Variants in SPIRE1 observed in about 807,000 individuals in gnomAD.
SPIRE1 encodes protein spire homolog 1.
Under a neutral mutation model 94.1 loss-of-function variants are expected in SPIRE1, and 40 were observed. The ratio of observed to expected loss-of-function variants is 0.43; its 90% CI spans 0.33 to 0.55. The LOEUF (loss-of-function observed/expected upper bound fraction) is 0.55, where lower values mean the gene tolerates loss of function less well. Among genes scored for constraint, SPIRE1 ranks in the 20% least tolerant of loss-of-function variants. The pLI, the probability that SPIRE1 is intolerant of heterozygous loss-of-function variation, is 0.06. For synonymous variants in SPIRE1, 376 were observed against 371.7 expected (o/e 1.01, Z -0.13); for missense variants, 838 against 975.2 (o/e 0.86, Z 1.87).
At chr18:12,497,277 T>G (rs934282102) in intron 6 of SPIRE1, among the ~76,000 whole-genome samples, 2 of 152,226 alleles carry the variant, frequency 1.3e-5, no homozygotes, top group Non-Finnish European at 2.9e-5. Flanking sequence ...TCCTCTCTTT[T>G]TAATGCAATG....
intron 2 of SPIRE1, among the ~76,000 whole-genome samples, chr18:12,568,839 A>G (rs1261892576): frequency 2.0e-5 from 3 of 152,292 alleles, no homozygotes; most frequent in East Asian, 3.9e-4. Context: ...GAACACAGAA[A>G]GTTACTCCAC....
intron 4 of SPIRE1, among the ~76,000 whole-genome samples, chr18:12,519,483 C>T (rs1263379893): frequency 6.6e-6 from 1 of 152,190 alleles, no homozygotes; most frequent in East Asian, 1.9e-4. Flanking sequence ...TCTGCTAATA[C>T]ACATTCACCT....
At chr18:12,641,136 T>TG (rs1439512131) in intron 1 of SPIRE1, among the ~76,000 whole-genome samples, 1 of 152,194 alleles carries the variant, frequency 6.6e-6, no homozygotes, top group African/African-American at 2.4e-5. Flanking sequence ...AACAACATCC[T>TG]GAACATGCTC....
chr18:12,565,633 C>T (rs1364209868), intron 2 of SPIRE1, among the ~76,000 whole-genome samples: 1 of 152,040 alleles, frequency 6.6e-6, no homozygotes, highest in Admixed American at 6.5e-5. Flanking sequence ...CTCAGCCTCC[C>T]AAAGTCCTGG....
At chr18:12,545,073 T>C (rs1436514746) in intron 3 of SPIRE1, among the ~76,000 whole-genome samples, 1 of 152,236 alleles carries the variant, frequency 6.6e-6, no homozygotes, top group Non-Finnish European at 1.5e-5. Flanking sequence ...TCTTCATTTT[T>C]TCAATCACTA....
At chr18:12,476,564 A>AAAAATAT in intron 10 of SPIRE1, among the ~76,000 whole-genome samples, 1 of 69,842 alleles carries the variant, frequency 1.4e-5, no homozygotes, top group Non-Finnish European at 2.4e-5. Context: ...AAAAAAAAAA[A>AAAAATAT]ATATATATAT....
intron 10 of SPIRE1, among the ~76,000 whole-genome samples, chr18:12,465,357 T>G (rs907016994): frequency 1.3e-5 from 2 of 152,036 alleles, no homozygotes; most frequent in African/African-American, 4.8e-5. Context: ...AAATTTTTTG[T>G]AGAGACAGGG....
intron 2 of SPIRE1, among the ~76,000 whole-genome samples, chr18:12,616,931 C>T (rs1403267233): frequency 7.5e-6 from 1 of 133,382 alleles, no homozygotes; most frequent in African/African-American, 2.8e-5. Context: ...GCAATCTCGG[C>T]TCACTGCAGT....
In SPIRE1 at chr18:12,454,412, C is replaced by T; in HGVS notation, c.1710G>A (p.Leu570=). ...VEEVMHIRQV[L]VKAELEKYQQ... ...GGTATTTTTCCAGCTCTGCCTTCAC[C>T]AGGACCTGGCGAATATGCATCACTT... The change falls in exon 13 of 17, where the codon CTG becomes CTA. Residue 570 remains leucine, a synonymous_variant. Coordinates refer to ENST00000409402, the MANE Select transcript of SPIRE1 (RefSeq NM_001128626.2). 2 of 1,614,082 alleles carry T rather than the reference C, an allele frequency of 1.2e-6. No homozygotes were observed. Among genetic ancestry groups the T allele is most frequent in the Non-Finnish European group, 1.7e-6 (2 of 1,179,992 alleles).
At chr18:12,639,128 A>ATT (rs201297496) in intron 1 of SPIRE1, among the ~76,000 whole-genome samples, 4 of 151,538 alleles carry the variant, frequency 2.6e-5, no homozygotes, top group South Asian at 4.2e-4. Context: ...CCTCAAAAAA[A>ATT]ATTTTTTTTT....
intron 2 of SPIRE1, among the ~76,000 whole-genome samples, chr18:12,552,381 C>T (rs1299810340): frequency 2.0e-5 from 3 of 152,100 alleles, no homozygotes; most frequent in Admixed American, 2.0e-4. Context: ...CCAAAAGAGA[C>T]CCCTTTTTTC....
At chr18:12,504,285 T>A (rs1479610885) in intron 6 of SPIRE1, among the ~76,000 whole-genome samples, 1 of 146,940 alleles carries the variant, frequency 6.8e-6, no homozygotes, top group Non-Finnish European at 1.5e-5. Flanking sequence ...GGTGGGCAGA[T>A]CACCTAAGGT....
chr18:12,609,568 G>C (rs915087649), intron 2 of SPIRE1, among the ~76,000 whole-genome samples: 10 of 152,138 alleles, frequency 6.6e-5, no homozygotes, highest in Admixed American at 4.6e-4. Flanking sequence ...CTACAAGCTA[G>C]GTAGAATCTG....
At chr18:12,478,307 A>G (rs1020929462) in intron 10 of SPIRE1, among the ~76,000 whole-genome samples, 4 of 145,806 alleles carry the variant, frequency 2.7e-5, no homozygotes, top group Non-Finnish European at 6.0e-5. Context: ...TGGGGTGTGT[A>G]TGTGTGTGTA....
chr18:12,452,595 G>C, intron 14 of SPIRE1, 83 bp from the exon 15 acceptor site: 1 of 1,382,034 alleles, frequency 7.2e-7, no homozygotes, highest in Non-Finnish European at 1.0e-6. Flanking sequence ...CAGTACAGTT[G>C]TAAGTTTCCA....
chr18:12,495,129 T>C (rs2033408934), intron 7 of SPIRE1, among the ~76,000 whole-genome samples: 1 of 152,092 alleles, frequency 6.6e-6, no homozygotes, highest in Non-Finnish European at 1.5e-5. Context: ...TCATTAATTA[T>C]GCTTTAGTTG....
At chr18:12,566,540 T>C (rs1383118592) in intron 2 of SPIRE1, among the ~76,000 whole-genome samples, 2 of 152,184 alleles carry the variant, frequency 1.3e-5, no homozygotes, top group African/African-American at 4.8e-5. Context: ...TTCAATTATG[T>C]ATGCTTATGT....
intron 2 of SPIRE1, among the ~76,000 whole-genome samples, chr18:12,605,334 G>A (rs1163556625): frequency 2.0e-5 from 3 of 152,044 alleles, no homozygotes; most frequent in Non-Finnish European, 4.4e-5. Flanking sequence ...GTGAAACCCT[G>A]TCTCTACTAA....
chr18:12,461,426 G>GTACATA (rs1555680891), intron 12 of SPIRE1, among the ~76,000 whole-genome samples: 9 of 71,318 alleles, frequency 1.3e-4, no homozygotes, highest in Admixed American at 2.5e-4. Context: ...GTGTGTGTGT[G>GTACATA]TGTATGTATG....
Sources: allele counts gnomAD v4.1 joint callset (sites outside exome capture counted in the v4.1 genomes callset), GRCh38; gene constraint gnomAD v4.1.1; transcripts MANE v1.5; gene names NCBI Gene and HGNC (gene_info 2026-07-23, HGNC 2026-07-21).